Variants in RBFOX1 observed in about 807,000 individuals in gnomAD.
RBFOX1 encodes the protein RNA binding protein fox-1 homolog 1.
RBFOX1 carries 8 observed loss-of-function variants against 57.7 expected under a neutral mutation model. The ratio of observed to expected loss-of-function variants is 0.14; its 90% CI spans 0.08 to 0.25. The LOEUF is 0.25. Among genes scored for constraint, RBFOX1 ranks in the 10% least tolerant of loss-of-function variants. The pLI is 1.00. For missense variants in RBFOX1, 611 were observed against 548.5 expected, an observed-to-expected ratio of 1.11 and a Z score of -1.14; for synonymous variants, 326 against 222.4, an observed-to-expected ratio of 1.47 and a Z score of -4.15.
intron 2 of RBFOX1, among the ~76,000 whole-genome samples, chr16:5,502,499 G>GCTT (rs1345399101): frequency 6.6e-6 from 1 of 152,160 alleles, no homozygotes; most frequent in Non-Finnish European, 1.5e-5. Flanking sequence ...CCCCTGCTCT[G>GCTT]CTTCTCTGGG....
chr16:5,629,025 C>T (rs1005944269), intron 3 of RBFOX1, among the ~76,000 whole-genome samples: 4 of 152,114 alleles, frequency 2.6e-5, no homozygotes, highest in African/African-American at 9.7e-5. Flanking sequence ...GCCATCCAGG[C>T]CCCAAGCACC....
intron 4 of RBFOX1, among the ~76,000 whole-genome samples, chr16:5,895,714 G>A (rs527313332): frequency 2.6e-5 from 4 of 152,124 alleles, no homozygotes; most frequent in African/African-American, 4.8e-5. Context: ...AGGATCTAAG[G>A]GGCATCTCGC....
At chr16:5,336,675 G>A (rs1186345669) in intron 1 of RBFOX1, among the ~76,000 whole-genome samples, 2 of 152,168 alleles carry the variant, frequency 1.3e-5, no homozygotes, top group Non-Finnish European at 2.9e-5. Context: ...CATTCATGAA[G>A]CTGAAAGAAG....
chr16:6,862,230 T>G (rs2059148865), intron 3 of RBFOX1, among the ~76,000 whole-genome samples: 1 of 152,186 alleles, frequency 6.6e-6, no homozygotes, highest in Non-Finnish European at 1.5e-5. Flanking sequence ...AGAGAGTTAT[T>G]GCACATAAGA....
intron 3 of RBFOX1, among the ~76,000 whole-genome samples, chr16:5,699,203 G>A (rs909310288): frequency 6.6e-6 from 1 of 151,942 alleles, no homozygotes; most frequent in East Asian, 1.9e-4. Flanking sequence ...GGCCAGGCTG[G>A]TCTTGAATTC....
chr16:7,552,902 C>G (rs910072207), intron 5 of RBFOX1, among the ~76,000 whole-genome samples: 1 of 152,032 alleles, frequency 6.6e-6, no homozygotes, highest in African/African-American at 2.4e-5. Flanking sequence ...AGGCTGGTCT[C>G]AAACTGCCGA....
chr16:7,264,801 C>T (rs2095063764), intron 4 of RBFOX1, among the ~76,000 whole-genome samples: 2 of 152,172 alleles, frequency 1.3e-5, no homozygotes, highest in Admixed American at 6.5e-5. Flanking sequence ...CATTTGCCAG[C>T]CCTGGTCCAA....
At chr16:5,975,050 A>G (rs953696178) in intron 4 of RBFOX1, among the ~76,000 whole-genome samples, 3 of 152,212 alleles carry the variant, frequency 2.0e-5, no homozygotes, top group Non-Finnish European at 4.4e-5. Flanking sequence ...GTAAAAAACC[A>G]AAATCACTTT....
At chr16:7,018,407 G>T (rs963039955) in intron 3 of RBFOX1, among the ~76,000 whole-genome samples, 1 of 152,148 alleles carries the variant, frequency 6.6e-6, no homozygotes, top group African/African-American at 2.4e-5. Context: ...AATTGTGTGT[G>T]CGTGGGTGTT....
intron 3 of RBFOX1, among the ~76,000 whole-genome samples, chr16:5,770,698 G>A (rs2053949046): frequency 6.6e-6 from 1 of 152,010 alleles, no homozygotes; most frequent in South Asian, 2.1e-4. Context: ...CCTGGGCTAA[G>A]CCTCAGTTTT....
chr16:5,341,740 G>T (rs534287175), intron 1 of RBFOX1, among the ~76,000 whole-genome samples: 2 of 152,356 alleles, frequency 1.3e-5, no homozygotes, highest in African/African-American at 4.8e-5. Flanking sequence ...GACCGAGCCA[G>T]TGGGTGGATG....
chr16:7,326,800 G>T (rs13334979), intron 4 of RBFOX1, among the ~76,000 whole-genome samples: 34 of 151,906 alleles, frequency 2.2e-4, no homozygotes, highest in African/African-American at 7.7e-4. Context: ...TTTTCCTACT[G>T]TTGTGATGCC....
At chr16:7,108,154 A>G (rs1345335275) in intron 4 of RBFOX1, among the ~76,000 whole-genome samples, 1 of 152,150 alleles carries the variant, frequency 6.6e-6, no homozygotes, top group Non-Finnish European at 1.5e-5. Flanking sequence ...TTTCAGGAAA[A>G]TTGTGCTCGA....
chr16:6,130,895 C>T (rs116606584), intron 1 of RBFOX1, among the ~76,000 whole-genome samples: 2,587 of 152,096 alleles, frequency 0.017, 78 homozygotes, highest in African/African-American at 0.059. Context: ...AAAACTAAAG[C>T]CAGTAATAGA....
intron 14 of RBFOX1, among the ~76,000 whole-genome samples, chr16:7,697,068 G>A (rs1397162515): frequency 1.3e-5 from 2 of 152,190 alleles, no homozygotes. Flanking sequence ...AGAGGCATTG[G>A]AGGGAGGGTT....
At chr16:5,574,443 G>T (rs1022688255) in intron 2 of RBFOX1, among the ~76,000 whole-genome samples, 2 of 147,378 alleles carry the variant, frequency 1.4e-5, no homozygotes, top group Non-Finnish European at 3.0e-5. Context: ...TTTTTAAGAC[G>T]GTGTCTCTGT....
At chr16:6,498,579 A>G (rs1444289938) in intron 2 of RBFOX1, among the ~76,000 whole-genome samples, 2 of 152,158 alleles carry the variant, frequency 1.3e-5, no homozygotes, top group South Asian at 2.1e-4. Flanking sequence ...ATGATAGGCT[A>G]TAAACTTCAT....
Position 5,454,902 on chromosome 16 carries a change from C to CTTTCTTTCTTTCT in RBFOX1, c.220-12302_220-12301insTTTTCTTTCTTTC, listed in dbSNP as rs1555524179. On this transcript the variant is annotated intron_variant, in intron 1 of 2. Transcript: ENST00000585867. The stretch of plus-strand genomic sequence containing the variant: ...TCTTTCTTTCTTTCTTTCTTTCTTT[C>CTTTCTTTCTTTCT]TTTCTTTCTTTCCTTTGTTTCTTTC... 7.0e-4 allele frequency among the ~76,000 whole-genome samples: 47 copies of CTTTCTTTCTTTCT among 66,720 alleles called. 1 individual carries two copies. Among genetic ancestry groups the CTTTCTTTCTTTCT allele is most frequent in the African/African-American group, 2.0e-3 (38 of 19,190 alleles). 43.8% of individuals were successfully genotyped at this position (66,720 alleles called of 152,430 possible).
intron 5 of RBFOX1, among the ~76,000 whole-genome samples, chr16:7,519,029 A>G (rs2076985207): frequency 6.6e-6 from 1 of 152,182 alleles, no homozygotes; most frequent in Non-Finnish European, 1.5e-5. Context: ...TCTCTAAATA[A>G]ACAAAAATAA....
Sources: allele counts gnomAD v4.1 joint callset (sites outside exome capture counted in the v4.1 genomes callset), GRCh38; gene constraint gnomAD v4.1.1; transcripts MANE v1.5; gene names NCBI Gene and HGNC (gene_info 2026-07-23, HGNC 2026-07-21).